Variants in ZDHHC14 observed in about 807,000 individuals in gnomAD.
ZDHHC14 encodes the protein zDHHC palmitoyltransferase 14.
ZDHHC14 carries 16 observed loss-of-function variants against 47.7 expected under a neutral mutation model. That is an observed-to-expected ratio of 0.34 (90% CI 0.23 to 0.51). The LOEUF (loss-of-function observed/expected upper bound fraction) is 0.51. Ranked by LOEUF, ZDHHC14 falls within the 20% of genes least tolerant of loss-of-function variation. The pLI, the probability that ZDHHC14 is intolerant of heterozygous loss-of-function variation, is 0.97. For synonymous variants in ZDHHC14, 293 were observed against 278.9 expected (o/e 1.05, Z -0.50); for missense variants, 515 against 662.5 (o/e 0.78, Z 2.44).
chr6:157,584,672 T>C (rs949997356), intron 2 of ZDHHC14, among the ~76,000 whole-genome samples: 5 of 152,078 alleles, frequency 3.3e-5, no homozygotes, highest in Non-Finnish European at 5.9e-5. Flanking sequence ...TGTGAAACAA[T>C]TGTCAACGGG....
intron 1 of ZDHHC14, among the ~76,000 whole-genome samples, chr6:157,385,962 T>C (rs1388009005): frequency 6.6e-6 from 1 of 152,176 alleles, no homozygotes; most frequent in Non-Finnish European, 1.5e-5. Flanking sequence ...GATGGGAAGA[T>C]TAAATAGAAA....
chr6:157,392,645 ATGTGTGTG>A (rs372653506), intron 1 of ZDHHC14, among the ~76,000 whole-genome samples: 2 of 147,240 alleles, frequency 1.4e-5, no homozygotes, highest in South Asian at 4.4e-4. Context: ...TAAGAGAAAG[ATGTGTGTG>A]TGTGTGTGTG....
In ZDHHC14 at chr6:157,467,586, A is replaced by G. The variant is rs906806627; in HGVS notation, c.246-74999A>G. Among the ~76,000 whole-genome samples the G allele has an allele frequency of 9.3e-5, 14 of 151,098 alleles. No individual in the cohort carries two copies. The South Asian group carries it at 1.0e-3, about 11-fold the overall frequency. On this transcript the variant is annotated intron_variant, in intron 1 of 8. Transcript: ENST00000359775. Reference sequence around the variant, plus strand: ...TTATTTTGAGATGGAGCCTCACTCTATTGCCTAGGCTGGAGTACAGTGACA... The same window carrying G: ...TTATTTTGAGATGGAGCCTCACTCTGTTGCCTAGGCTGGAGTACAGTGACA...
At chr6:157,569,666 G>A (rs1198969560) in intron 2 of ZDHHC14, among the ~76,000 whole-genome samples, 1 of 152,036 alleles carries the variant, frequency 6.6e-6, no homozygotes, top group East Asian at 1.9e-4. Context: ...GGGAAGAAGT[G>A]ACATATTTAA....
Position 157,601,619 on chromosome 6 carries a change from C to G in ZDHHC14, c.565+8473C>G, listed in dbSNP as rs1062860. Among the ~76,000 whole-genome samples, 48 of 152,242 alleles carry G rather than the reference C, an allele frequency of 3.2e-4. No individual in the cohort carries two copies. The East Asian group carries it at 9.1e-3, about 29-fold the overall frequency. On this transcript the variant is annotated intron_variant, in intron 3 of 8. Coordinates refer to ENST00000359775, the MANE Select transcript of ZDHHC14 (RefSeq NM_024630.3). ...TGAGTCGGGGGGCAAGATAAAATAGCTGTGAAATGTAATTAGAAGAATATA... is the reference window on the plus strand; with the variant it reads ...TGAGTCGGGGGGCAAGATAAAATAGGTGTGAAATGTAATTAGAAGAATATA...
intron 1 of ZDHHC14, among the ~76,000 whole-genome samples, chr6:157,382,787 CA>C (rs1181403856): frequency 2.6e-5 from 4 of 152,208 alleles, no homozygotes; most frequent in Non-Finnish European, 4.4e-5. Context: ...TTTCAGGTTT[CA>C]AAGTGTCGGC....
intron 7 of ZDHHC14, among the ~76,000 whole-genome samples, chr6:157,647,942 G>T (rs1033448397): frequency 6.6e-6 from 1 of 152,116 alleles, no homozygotes; most frequent in Non-Finnish European, 1.5e-5. Context: ...AGCTCACTCT[G>T]TACCTATAGG....
chr6:157,479,391 C>A (rs1779567892), intron 1 of ZDHHC14, among the ~76,000 whole-genome samples: 1 of 152,166 alleles, frequency 6.6e-6, no homozygotes. Flanking sequence ...ATATCACCAC[C>A]TTTGGGATAT....
chr6:157,398,807 T>A (rs1337263173), intron 1 of ZDHHC14, among the ~76,000 whole-genome samples: 2 of 152,216 alleles, frequency 1.3e-5, no homozygotes, highest in African/African-American at 4.8e-5. Context: ...TTATAATGAC[T>A]CCTCTGAAAC....
intron 1 of ZDHHC14, among the ~76,000 whole-genome samples, chr6:157,432,558 C>T (rs961084891): frequency 6.6e-6 from 1 of 152,186 alleles, no homozygotes; most frequent in Non-Finnish European, 1.5e-5. Flanking sequence ...AATTTATTTT[C>T]GTTGCCTGGT....
At chr6:157,575,606 T>C (rs1281820257) in intron 2 of ZDHHC14, among the ~76,000 whole-genome samples, 1 of 152,190 alleles carries the variant, frequency 6.6e-6, no homozygotes, top group East Asian at 1.9e-4. Context: ...CCAGCGAGTG[T>C]GCACACCCCC....
intron 1 of ZDHHC14, among the ~76,000 whole-genome samples, chr6:157,522,258 T>C (rs1780945490): frequency 1.3e-5 from 2 of 152,198 alleles, no homozygotes; most frequent in African/African-American, 2.4e-5. Context: ...GATACAAATA[T>C]TATGTCAAAA....
rs529271306 is a variant in ZDHHC14 at position 157,591,368 on chromosome 6, T to C, written c.407-1620T>C. 3.3e-5 allele frequency among the ~76,000 whole-genome samples: 5 copies of C among 152,324 alleles called. No homozygotes were observed. In the South Asian group the frequency reaches 6.2e-4, roughly 19 times the overall value. Reference sequence around the variant, plus strand: ...ATGGGAGGGACCCAGTGGGAGGTAATTGAATCATGGAGACAGTTACCCCCA... The same window carrying C: ...ATGGGAGGGACCCAGTGGGAGGTAACTGAATCATGGAGACAGTTACCCCCA... On this transcript the variant is annotated intron_variant, in intron 2 of 8. Transcript: ENST00000359775.
intron 1 of ZDHHC14, among the ~76,000 whole-genome samples, chr6:157,454,482 T>C (rs1191362030): frequency 6.7e-6 from 1 of 148,860 alleles, no homozygotes; most frequent in African/African-American, 2.5e-5. Context: ...TTAAAATGCT[T>C]TTAATGCAGC....
At chr6:157,557,935 C>T (rs146238633) in intron 2 of ZDHHC14, among the ~76,000 whole-genome samples, 23 of 152,320 alleles carry the variant, frequency 1.5e-4, no homozygotes, top group African/African-American at 4.8e-4. Flanking sequence ...CAAGCCAGCG[C>T]TGTCCAGTAG....
At chr6:157,461,125 G>C (rs1216414767) in intron 1 of ZDHHC14, among the ~76,000 whole-genome samples, 1 of 152,114 alleles carries the variant, frequency 6.6e-6, no homozygotes, top group Non-Finnish European at 1.5e-5. Context: ...TTTAGAACCT[G>C]AAAAACACAC....
intron 1 of ZDHHC14, among the ~76,000 whole-genome samples, chr6:157,539,622 C>A (rs1045384212): frequency 2.6e-5 from 4 of 152,076 alleles, no homozygotes; most frequent in Non-Finnish European, 5.9e-5. Context: ...CCCGGGGCGT[C>A]CAAAGCACTC....
At chr6:157,616,537 G>A (rs112603027) in intron 3 of ZDHHC14, among the ~76,000 whole-genome samples, 11,238 of 152,140 alleles carry the variant, frequency 0.074, 1,283 homozygotes, top group African/African-American at 0.25. Context: ...CCTAGAGGAC[G>A]AGCGGCCCTG....
At chr6:157,545,472 C>T (rs138843179) in intron 2 of ZDHHC14, among the ~76,000 whole-genome samples, 1,874 of 151,864 alleles carry the variant, frequency 0.012, 41 homozygotes, top group African/African-American at 0.044. Context: ...GTCAGGAGAT[C>T]GAGATCATCC....
Sources: allele counts gnomAD v4.1 joint callset (sites outside exome capture counted in the v4.1 genomes callset), GRCh38; gene constraint gnomAD v4.1.1; transcripts MANE v1.5; gene names NCBI Gene and HGNC (gene_info 2026-07-23, HGNC 2026-07-21).